The following SCAF4 variants were observed in gnomAD, a reference collection of about 807,000 sequenced individuals.
The protein encoded by SCAF4 is SR-related and CTD-associated factor 4.
Under a neutral mutation model 129.8 loss-of-function variants are expected in SCAF4, and 25 were observed. The ratio of observed to expected loss-of-function variants is 0.19; its 90% CI spans 0.14 to 0.27. The LOEUF (loss-of-function observed/expected upper bound fraction) is 0.27. Among genes scored for constraint, SCAF4 ranks in the 10% least tolerant of loss-of-function variants. The pLI is 1.00. For synonymous variants in SCAF4, 551 were observed against 497.7 expected (o/e 1.11, Z -1.43); for missense variants, 1,246 against 1,457.1 (o/e 0.86, Z 2.36).
chr21:31,710,035 G>GA (rs926133281), intron 1 of SCAF4, among the ~76,000 whole-genome samples: 34 of 148,714 alleles, frequency 2.3e-4, no homozygotes, highest in Admixed American at 6.0e-4. Context: ...AATATAGGGG[G>GA]AAAAAAAAAA....
In SCAF4 at chr21:31,685,825, T is replaced by C. The variant is rs569151965; in HGVS notation, c.2044-92A>G. 12 of 1,250,772 alleles carry C rather than the reference T, an allele frequency of 9.6e-6. No individual in the cohort carries two copies. The Admixed American group carries it at 2.0e-4, about 21-fold the overall frequency. 77.5% of individuals were successfully genotyped at this position (1,250,772 alleles called of 1,614,324 possible). On this transcript the variant is annotated intron_variant, in intron 16 of 19. Transcript: ENST00000286835. ...ATAAAAGAGCAAACTGTTGAAAAAATAGATGTTTCTTAATTTGTGCTTATT... is the reference window on the plus strand; with the variant it reads ...ATAAAAGAGCAAACTGTTGAAAAAACAGATGTTTCTTAATTTGTGCTTATT...
chr21:31,720,113 T>C (rs2051035137), intron 1 of SCAF4, among the ~76,000 whole-genome samples: 2 of 152,226 alleles, frequency 1.3e-5, no homozygotes, highest in Non-Finnish European at 2.9e-5. Context: ...GCCTCACTAA[T>C]GAACTTCTGG....
rs78379604 is a variant in SCAF4, at chr21:31,717,872, T to C, written c.31-11515A>G. Among the ~76,000 whole-genome samples the C allele has an allele frequency of 8.8e-3, 502 of 56,732 alleles. 7 individuals carry two copies. The highest frequency in any genetic ancestry group is 0.02 in the East Asian group (49 of 2,426). 37.2% of individuals were successfully genotyped at this position (56,732 alleles called of 152,430 possible). A position where few individuals can be genotyped will look rare whatever the true frequency, so the allele number is the denominator to read the frequency against. ...ACACACACACACACACACACACACA[T>C]ATACACATATATACACATATATACA... On this transcript the variant is annotated intron_variant, in intron 1 of 19. Transcript: ENST00000286835.
At chr21:31,728,959 A>G (rs2051277234) in intron 1 of SCAF4, among the ~76,000 whole-genome samples, 1 of 152,216 alleles carries the variant, frequency 6.6e-6, no homozygotes, top group Non-Finnish European at 1.5e-5. Flanking sequence ...TTATAAACCT[A>G]TCAGATGCCA....
intron 1 of SCAF4, among the ~76,000 whole-genome samples, chr21:31,726,799 T>C (rs566264599): frequency 7.2e-5 from 11 of 152,332 alleles, no homozygotes; most frequent in African/African-American, 2.6e-4. Flanking sequence ...CTAATCTTAA[T>C]AGACAGTATT....
In SCAF4 at chr21:31,705,403, T is replaced by A. The variant is rs371840779; in HGVS notation, c.159+20A>T. 6.5e-5 allele frequency: 70 copies of A among 1,075,966 alleles called. 1 individual carries two copies. The highest frequency in any genetic ancestry group is 8.5e-5 in the Non-Finnish European group (63 of 740,398). The allele number at this position is 1,075,966 out of a possible 1,614,324, so 66.7% of individuals were successfully genotyped here. ...AAATCATATTGTAACTAAAATGAGG[T>A]TATAATGAGAGATAGTTACCTTTTT... On this transcript the variant is annotated intron_variant, in intron 3 of 19. Transcript: ENST00000286835.
intron 11 of SCAF4, among the ~76,000 whole-genome samples, chr21:31,693,976 C>T (rs781582604): frequency 6.6e-6 from 1 of 151,410 alleles, no homozygotes; most frequent in South Asian, 2.1e-4. Flanking sequence ...TTCAAAATTC[C>T]GTTACATCTG....
rs772517739 is a variant in SCAF4 at position 31,692,302 on chromosome 21, T to C, written c.1614+47A>G. On this transcript the variant is annotated intron_variant, in intron 13 of 19. Transcript: ENST00000286835. ...AGGTCCTCCATTTCATAAAATGACATTAATCACACCTGTCCATCGTACTTA... is the reference window on the plus strand; with the variant it reads ...AGGTCCTCCATTTCATAAAATGACACTAATCACACCTGTCCATCGTACTTA... 5.6e-6 allele frequency: 8 copies of C among 1,421,416 alleles called. No individual in the cohort carries two copies. In the Middle Eastern group the frequency reaches 5.2e-4, roughly 93 times the overall value. The allele number at this position is 1,421,416 out of a possible 1,614,324, so 88.1% of individuals were successfully genotyped here.
At position 31,691,845 on chromosome 21, in the gene SCAF4, T is replaced by C. The variant is rs774928057; in HGVS notation, c.1700A>G (p.Asn567Ser). The stretch of plus-strand genomic sequence containing the variant: ...TATGGATTTCTGGTTCACTTTATAG[T>C]TTCCTCGGCTCAGTTTCTGCAGGGC... ...YRALQKLSRG[N>S]YKVNQKSIKI... The change falls in exon 14 of 20, where the codon AAC becomes AGC. Residue 567 changes from asparagine (N) to serine (S), a missense_variant. This residue lies in a region of SCAF4 where 468 missense variants were observed against 605.5 expected (regional missense o/e 0.77). Coordinates refer to ENST00000286835, the MANE Select transcript of SCAF4 (RefSeq NM_020706.2). 7.5e-6 allele frequency: 12 copies of C among 1,605,056 alleles called. No homozygotes were observed. The highest frequency in any genetic ancestry group is 1.0e-5 in the Non-Finnish European group (12 of 1,174,766).
In SCAF4 at chr21:31,691,876, A is replaced by T. The variant is rs775503270; in HGVS notation, c.1669T>A (p.Tyr557Asn). 6.2e-7 allele frequency: 1 copy of T among 1,609,848 alleles called. No homozygotes were observed. The highest frequency in any genetic ancestry group is 1.3e-5 in the African/African-American group (1 of 74,794). ...YIVMVHRQDA[Y>N]RALQKLSRGN... ...CGGCTCAGTTTCTGCAGGGCACGAT[A>T]GGCATCTTGCCTATGAACCATAACA... The change falls in exon 14 of 20, where the codon TAT (tyrosine) becomes AAT (asparagine). Residue 557 changes from tyrosine (Y) to asparagine (N), a missense_variant. By Grantham distance (143) the Tyr-to-Asn change is moderately radical. Coordinates refer to ENST00000286835, the MANE Select transcript of SCAF4 (RefSeq NM_020706.2).
At chr21:31,717,892 T>TACACAC (rs1295847445) in intron 1 of SCAF4, among the ~76,000 whole-genome samples, 2 of 108,520 alleles carry the variant, frequency 1.8e-5, no homozygotes, top group African/African-American at 8.1e-5. Flanking sequence ...TATACACATA[T>TACACAC]ATACACATAT....
intron 7 of SCAF4, among the ~76,000 whole-genome samples, chr21:31,699,502 GTTT>G (rs202121304): frequency 1.1e-3 from 150 of 133,960 alleles, no homozygotes; most frequent in African/African-American, 4.3e-3. Context: ...TGTATTATTT[GTTT>G]TTTTTTTTTT....
chr21:31,719,783 C>T (rs371767410), intron 1 of SCAF4, among the ~76,000 whole-genome samples: 2 of 152,158 alleles, frequency 1.3e-5, no homozygotes, highest in African/African-American at 4.8e-5. Context: ...GGATTACAGG[C>T]GTGAGCCACC....
chr21:31,683,792 T>C (rs1447449407), intron 19 of SCAF4, among the ~76,000 whole-genome samples: 1 of 152,122 alleles, frequency 6.6e-6, no homozygotes, highest in Non-Finnish European at 1.5e-5. Flanking sequence ...ATGACTTCCA[T>C]TGGAAGGTAG....
At chr21:31,685,790 G>A in intron 16 of SCAF4, 57 bp from the exon 17 acceptor site, 1 of 1,472,716 alleles carries the variant, frequency 6.8e-7, no homozygotes, top group Non-Finnish European at 9.1e-7. Flanking sequence ...CATCCACACA[G>A]TAAGCACAGA....
intron 9 of SCAF4, 40 bp downstream of exon 9, chr21:31,696,073 G>T: frequency 1.4e-6 from 2 of 1,431,976 alleles, no homozygotes; most frequent in South Asian, 2.3e-5. Context: ...GCTCTATAAT[G>T]AATAGATCTT....
intron 19 of SCAF4, among the ~76,000 whole-genome samples, chr21:31,681,042 C>G (rs1216393892): frequency 6.6e-6 from 1 of 152,228 alleles, no homozygotes; most frequent in Non-Finnish European, 1.5e-5. Flanking sequence ...GCCAGGACTG[C>G]AGCGCAGCAC....
At chr21:31,690,669 A>G (rs2050238130) in intron 15 of SCAF4, 128 bp downstream of exon 15, 2 of 725,484 alleles carry the variant, frequency 2.8e-6, no homozygotes, top group Non-Finnish European at 4.6e-6. Flanking sequence ...TAATGGAGAT[A>G]CTGACACAGG....
chr21:31,674,892 T>C (rs1042466075), intron 19 of SCAF4, among the ~76,000 whole-genome samples: 3 of 152,200 alleles, frequency 2.0e-5, no homozygotes, highest in Admixed American at 6.5e-5. Flanking sequence ...TTGGTAGAAA[T>C]AGACAAATTT....
Sources: gnomAD v4.1 joint callset for allele counts (sites outside exome capture counted in the v4.1 genomes callset) on GRCh38, gnomAD v4.1.1 for gene constraint, gnomAD v4.1.1 regional missense constraint, MANE v1.5 for transcripts, NCBI Gene and HGNC (gene_info 2026-07-23, HGNC 2026-07-21) for gene names.